AFDN: variants seen among roughly 807,000 people sequenced by gnomAD.
AFDN encodes afadin.
In AFDN, 68 loss-of-function variants were observed where a neutral mutation model predicts 216.6. That is an observed-to-expected ratio of 0.31 (90% CI 0.26 to 0.38). The LOEUF (loss-of-function observed/expected upper bound fraction) is 0.38, where lower values mean the gene tolerates loss of function less well. Among genes scored for constraint, AFDN ranks in the 10% least tolerant of loss-of-function variants. The pLI is 1.00. For missense variants in AFDN, 2,136 were observed against 2,342.0 expected (o/e 0.91, Z 1.82); for synonymous variants, 868 against 853.7 (o/e 1.02, Z -0.29).
intron 1 of AFDN, among the ~76,000 whole-genome samples, chr6:167,834,167 T>C (rs965678696): frequency 1.3e-5 from 2 of 152,170 alleles, no homozygotes; most frequent in Non-Finnish European, 2.9e-5. Flanking sequence ...GTAAGTTCTT[T>C]AGTGGTGATT....
chr6:167,923,085 C>G, intron 22 of AFDN, 126 bp downstream of exon 22: 1 of 613,262 alleles, frequency 1.6e-6, no homozygotes, highest in Non-Finnish European at 2.8e-6. Context: ...CTGTTAAATA[C>G]TGATATTCAG....
intron 17 of AFDN, 36 bp downstream of exon 17, chr6:167,914,349 A>G: frequency 6.3e-7 from 1 of 1,598,188 alleles, no homozygotes; most frequent in East Asian, 2.2e-5. Flanking sequence ...CACTACTCTA[A>G]ATAATTAAGT....
chr6:167,875,630 T>G (rs974220514), intron 5 of AFDN, 135 bp downstream of exon 5: 29 of 898,470 alleles, frequency 3.2e-5, no homozygotes, highest in Non-Finnish European at 4.6e-5. Context: ...TACCATATAC[T>G]TCTGGTACAA....
chr6:167,969,685 A>C, intron 33 of AFDN, 97 bp from the exon 34 acceptor site: 1 of 1,137,516 alleles, frequency 8.8e-7, no homozygotes, highest in Non-Finnish European at 1.2e-6. Flanking sequence ...ACAAAGAATG[A>C]GTGAAAATTT....
Position 167,944,018 on chromosome 6 carries a change from T to G in AFDN, c.3317T>G (p.Leu1106Arg). Residue 1106 changes from leucine to arginine, a missense_variant, in exon 26 of 34, where the codon CTG becomes CGG. Physicochemically the swap from Leu to Arg is moderately radical, Grantham distance 102 (BLOSUM62 -2). Coordinates refer to ENST00000683244, the MANE Select transcript of AFDN (RefSeq NM_001386888.1). Reference sequence around the variant, plus strand: ...AAGCAGGGTGCCATCTACCACGGTCTGGCCACCCTTCTCAATCAGCCATCC... The same window carrying G: ...AAGCAGGGTGCCATCTACCACGGTCGGGCCACCCTTCTCAATCAGCCATCC... ...VAKQGAIYHG[L>R]ATLLNQPSPM... 6.2e-7 allele frequency: 1 copy of G among 1,614,182 alleles called. No individual in the cohort carries two copies. Among genetic ancestry groups the G allele is most frequent in the East Asian group, 2.2e-5 (1 of 44,884 alleles).
At chr6:167,843,785 T>C (rs1271868090) in intron 1 of AFDN, among the ~76,000 whole-genome samples, 2 of 152,208 alleles carry the variant, frequency 1.3e-5, no homozygotes, top group Admixed American at 6.5e-5. Flanking sequence ...AATAATAGAT[T>C]TATTCTGAGA....
intron 1 of AFDN, among the ~76,000 whole-genome samples, chr6:167,855,232 GT>G (rs1782767371): frequency 1.3e-5 from 2 of 152,172 alleles, no homozygotes; most frequent in South Asian, 4.1e-4. Context: ...AATGAATACA[GT>G]TGTGATAAAT....
At chr6:167,865,033 G>A (rs1405716459) in intron 2 of AFDN, among the ~76,000 whole-genome samples, 2 of 152,048 alleles carry the variant, frequency 1.3e-5, no homozygotes, top group African/African-American at 4.8e-5. Flanking sequence ...ACATATCTGG[G>A]TGTCACATAC....
intron 31 of AFDN, chr6:167,963,546 C>G (rs1797244034): frequency 1.9e-6 from 2 of 1,057,108 alleles, no homozygotes; most frequent in Non-Finnish European, 2.3e-6. Context: ...GGATACAGAA[C>G]AATCTAAGAG....
chr6:167,920,168 G>A (rs181632934), intron 21 of AFDN, among the ~76,000 whole-genome samples: 159 of 152,256 alleles, frequency 1.0e-3, no homozygotes, highest in African/African-American at 3.6e-3. Context: ...TGTGTGTGAA[G>A]GAAGAGGGGT....
chr6:167,921,303 TTAA>T (rs999775660), intron 21 of AFDN, among the ~76,000 whole-genome samples: 7 of 152,220 alleles, frequency 4.6e-5, no homozygotes, highest in Admixed American at 3.9e-4. Flanking sequence ...TCTTAAATGA[TTAA>T]TGTTAGGACA....
chr6:167,858,835 A>G (rs912408832), intron 1 of AFDN, among the ~76,000 whole-genome samples: 1 of 152,176 alleles, frequency 6.6e-6, no homozygotes, highest in African/African-American at 2.4e-5. Flanking sequence ...CATTTTATAA[A>G]TGAGGAAACC....
rs528547463 is a variant in AFDN, at chr6:167,885,574, G to A, written c.898-3641G>A. On this transcript the variant is annotated intron_variant, in intron 6 of 33. Transcript: ENST00000683244. Reference sequence around the variant, plus strand: ...GTTAAGCTTGCCATCTTATATGGGTGCAGTTCATGGCACCCCAAAACATTA... The same window carrying A: ...GTTAAGCTTGCCATCTTATATGGGTACAGTTCATGGCACCCCAAAACATTA... Among the ~76,000 whole-genome samples the A allele has an allele frequency of 2.0e-5, 3 of 152,326 alleles. No homozygotes were observed. The East Asian group carries it at 5.8e-4, about 29-fold the overall frequency.
chr6:167,904,671 C>T (rs558921372), intron 12 of AFDN, among the ~76,000 whole-genome samples: 1 of 152,270 alleles, frequency 6.6e-6, no homozygotes, highest in African/African-American at 2.4e-5. Flanking sequence ...CAGCGTTGCT[C>T]CAATAGAAAC....
At chr6:167,875,189 A>G (rs1398908260) in intron 4 of AFDN, 146 bp from the exon 5 acceptor site, 7 of 632,934 alleles carry the variant, frequency 1.1e-5, no homozygotes, top group South Asian at 1.0e-4. Flanking sequence ...AGTAATTAGC[A>G]TGTGGTAAAT....
At chr6:167,922,414 G>A (rs1459160112) in intron 21 of AFDN, among the ~76,000 whole-genome samples, 2 of 152,084 alleles carry the variant, frequency 1.3e-5, no homozygotes, top group Admixed American at 1.3e-4. Context: ...AATGTAAGTA[G>A]TTGAACCGAG....
At chr6:167,896,642 G>A (rs1348654487) in intron 9 of AFDN, among the ~76,000 whole-genome samples, 1 of 152,182 alleles carries the variant, frequency 6.6e-6, no homozygotes, top group Non-Finnish European at 1.5e-5. Context: ...GAATGTGGTG[G>A]AATTAATGCT....
At position 167,951,091 on chromosome 6, in the gene AFDN, AAC is replaced by A; in HGVS notation, c.3832-93_3832-92del. 6.9e-7 allele frequency: 1 copy of A among 1,444,194 alleles called. No homozygotes were observed. Among genetic ancestry groups the A allele is most frequent in the South Asian group, 1.5e-5 (1 of 66,442 alleles). The allele number at this position is 1,444,194 out of a possible 1,614,324, so 89.5% of individuals were successfully genotyped here. ...TCAGTCTCTTTCTGTACACTGATTTAACAGTTTTTCTTCTGTCTGAAGATAAA... is the reference window on the plus strand; with the variant it reads ...TCAGTCTCTTTCTGTACACTGATTTAAGTTTTTCTTCTGTCTGAAGATAAA... On this transcript the variant is annotated intron_variant, in intron 29 of 33. Coordinates refer to ENST00000683244, the MANE Select transcript of AFDN (RefSeq NM_001386888.1). The surrounding 1 kb of genome is among the most constrained non-coding windows in gnomAD (Gnocchi z 7.1).
Position 167,893,628 on chromosome 6 carries a change from G to C in AFDN, c.1178-234G>C, listed in dbSNP as rs1220246484. On this transcript the variant is annotated intron_variant, in intron 8 of 33. Transcript: ENST00000683244. ...TGCTTGGTGACTCACCTGTTGTCCTGTGGTTTCCCTTAACAGTCTGCATTG... is the reference window on the plus strand; with the variant it reads ...TGCTTGGTGACTCACCTGTTGTCCTCTGGTTTCCCTTAACAGTCTGCATTG... 7 of 475,324 alleles carry C rather than the reference G, an allele frequency of 1.5e-5. No homozygotes were observed. The Admixed American group carries it at 2.0e-4, about 13-fold the overall frequency. The allele number at this position is 475,324 out of a possible 1,614,324, so 29.4% of individuals were successfully genotyped here. A position where few individuals can be genotyped will look rare whatever the true frequency, so the allele number is the denominator to read the frequency against.
Sources: gnomAD v4.1 joint callset for allele counts (sites outside exome capture counted in the v4.1 genomes callset) on GRCh38, gnomAD v4.1.1 for gene constraint, Gnocchi (gnomAD v3.1) non-coding constraint, MANE v1.5 for transcripts, NCBI Gene and HGNC (gene_info 2026-07-23, HGNC 2026-07-21) for gene names.